RBM33: variants seen among roughly 807,000 people sequenced by gnomAD.
RBM33 encodes RNA binding motif protein 33.
RBM33 carries 28 observed loss-of-function variants against 132.6 expected under a neutral mutation model. The ratio of observed to expected loss-of-function variants is 0.21; its 90% confidence interval spans 0.16 to 0.29. The LOEUF (loss-of-function observed/expected upper bound fraction) is 0.29, where lower values mean the gene tolerates loss of function less well. Ranked by LOEUF, RBM33 falls within the 10% of genes least tolerant of loss-of-function variation. The pLI, the probability that RBM33 is intolerant of heterozygous loss-of-function variation, is 1.00. For missense variants in RBM33, 1,291 were observed against 1,518.5 expected, an observed-to-expected ratio of 0.85 and a Z score of 2.49; for synonymous variants, 634 against 593.0, an observed-to-expected ratio of 1.07 and a Z score of -1.01.
chr7:155,720,402 T>C (rs1362470988), intron 9 of RBM33, among the ~76,000 whole-genome samples: 1 of 152,226 alleles, frequency 6.6e-6, no homozygotes, highest in Admixed American at 6.5e-5. Flanking sequence ...GTAGCGGTAT[T>C]GTGTTTTTAA....
chr7:155,759,564 C>G (rs954788895), intron 14 of RBM33, among the ~76,000 whole-genome samples: 1 of 151,998 alleles, frequency 6.6e-6, no homozygotes, highest in East Asian at 1.9e-4. Flanking sequence ...ACTACAGGCG[C>G]CCGCCACCGC....
chr7:155,742,192 G>T, intron 13 of RBM33, 86 bp downstream of exon 13: 13 of 1,233,350 alleles, frequency 1.1e-5, no homozygotes, highest in East Asian at 5.3e-5. Context: ...CTCTCACTAA[G>T]TTATTCACAA....
chr7:155,692,001 T>C (rs1280965732), intron 5 of RBM33, among the ~76,000 whole-genome samples: 1 of 150,200 alleles, frequency 6.7e-6, no homozygotes, highest in East Asian at 2.0e-4. Context: ...CAGTGAGCTG[T>C]GATTGCGCCA....
intron 1 of RBM33, among the ~76,000 whole-genome samples, chr7:155,647,098 A>C (rs551620944): frequency 6.6e-6 from 1 of 152,354 alleles, no homozygotes; most frequent in South Asian, 2.1e-4. Flanking sequence ...ATTGTCTAGC[A>C]CAGTGACTTT....
At chr7:155,708,631 C>T (rs979491347) in intron 7 of RBM33, among the ~76,000 whole-genome samples, 1 of 152,194 alleles carries the variant, frequency 6.6e-6, no homozygotes, top group African/African-American at 2.4e-5. Context: ...GACGTTGTAT[C>T]TCTGGATTGT....
rs1209208551 is a variant in RBM33, at chr7:155,774,724, A to T, written c.3464+77A>T. 8.4e-7 allele frequency: 1 copy of T among 1,194,548 alleles called. No individual in the cohort carries two copies. The highest frequency in any genetic ancestry group is 1.5e-5 in the African/African-American group (1 of 66,800). 74.0% of individuals were successfully genotyped at this position (1,194,548 alleles called of 1,614,324 possible). On this transcript the variant is annotated intron_variant, in intron 17 of 17. Transcript: ENST00000401878. The surrounding 1 kb of genome is among the most constrained non-coding windows in gnomAD (Gnocchi z 4.2). ...TCCTTCCTGTGCCCTCCCATCCATC[A>T]TGGTAGCAAGCGTGTGTCCCCACCT...
intron 3 of RBM33, among the ~76,000 whole-genome samples, chr7:155,676,901 C>T (rs550186963): frequency 5.3e-5 from 8 of 152,326 alleles, no homozygotes; most frequent in Middle Eastern, 3.4e-3. Context: ...CACGAGGGCT[C>T]ACCCACCACA....
chr7:155,652,130 A>G (rs143097290), intron 1 of RBM33, among the ~76,000 whole-genome samples: 1 of 152,228 alleles, frequency 6.6e-6, no homozygotes. Context: ...AATTTTGACT[A>G]TTAGTGATTT....
At chr7:155,680,388 T>C (rs1049767511) in intron 4 of RBM33, among the ~76,000 whole-genome samples, 11 of 152,248 alleles carry the variant, frequency 7.2e-5, no homozygotes, top group African/African-American at 2.4e-4. Flanking sequence ...CACAGTTAGC[T>C]CTGCTGTACG....
rs907080574 is a variant in RBM33, at chr7:155,781,432, A to C, written c.*6391A>C. Reference sequence around the variant, plus strand: ...CGTACCAAAAAAATGTGTTTGAACTATATTGTATGTAATTTGGAAGTCGTG... The same window carrying C: ...CGTACCAAAAAAATGTGTTTGAACTCTATTGTATGTAATTTGGAAGTCGTG... On this transcript the variant is annotated 3_prime_UTR_variant, in exon 18 of 18. Transcript: ENST00000401878. 2 of 152,228 alleles carry C rather than the reference A, an allele frequency of 1.3e-5. No homozygotes were observed. Among genetic ancestry groups the C allele is most frequent in the Non-Finnish European group, 2.9e-5 (2 of 68,048 alleles). The allele number at this position is 152,228 out of a possible 1,614,324, so 9.4% of individuals were successfully genotyped here. A position where few individuals can be genotyped will look rare whatever the true frequency, so the allele number is the denominator to read the frequency against.
At chr7:155,663,817 C>G (rs999731997) in intron 1 of RBM33, among the ~76,000 whole-genome samples, 2 of 152,140 alleles carry the variant, frequency 1.3e-5, no homozygotes, top group Admixed American at 6.5e-5. Context: ...GGAGAGAGAT[C>G]TATGCTCTGC....
intron 14 of RBM33, among the ~76,000 whole-genome samples, chr7:155,753,032 A>T (rs981656784): frequency 2.6e-5 from 4 of 152,166 alleles, no homozygotes; most frequent in Admixed American, 2.0e-4. Context: ...AAGATATTTA[A>T]ATACTGTGTT....
At chr7:155,733,486 A>G (rs916119051) in intron 9 of RBM33, among the ~76,000 whole-genome samples, 1 of 152,224 alleles carries the variant, frequency 6.6e-6, no homozygotes, top group Non-Finnish European at 1.5e-5. Flanking sequence ...ATTTAATGTC[A>G]TAAGTTTTAG....
At chr7:155,728,471 A>G (rs999291566) in intron 9 of RBM33, among the ~76,000 whole-genome samples, 4 of 152,140 alleles carry the variant, frequency 2.6e-5, no homozygotes, top group African/African-American at 9.7e-5. Context: ...CTATTTAACT[A>G]AATTCCAAGG....
At chr7:155,766,405 T>G (rs1228281540) in intron 15 of RBM33, 62 bp from the exon 16 acceptor site, 52 of 1,541,666 alleles carry the variant, frequency 3.4e-5, no homozygotes, top group Non-Finnish European at 4.5e-5. Context: ...CTTTTATATC[T>G]TAGTGACTAT....
chr7:155,687,860 G>A (rs1799524301), intron 5 of RBM33, among the ~76,000 whole-genome samples: 1 of 152,192 alleles, frequency 6.6e-6, no homozygotes, highest in South Asian at 2.1e-4. Flanking sequence ...CCAGTACCAT[G>A]CTGTTTTGGT....
At chr7:155,764,409 C>G (rs1251325525) in intron 15 of RBM33, among the ~76,000 whole-genome samples, 1 of 152,206 alleles carries the variant, frequency 6.6e-6, no homozygotes, top group African/African-American at 2.4e-5. Flanking sequence ...GCTCATGGCC[C>G]CAGTTGAGAC....
In RBM33 at chr7:155,695,389, C is replaced by G. The variant is rs79759938; in HGVS notation, c.568-5384C>G. The stretch of plus-strand genomic sequence containing the variant: ...TTGTCTGTATATTCTGGGTATCATT[C>G]CATTGGCAGATAATTACATATTACA... On this transcript the variant is annotated intron_variant, in intron 5 of 17. Coordinates refer to ENST00000401878, the MANE Select transcript of RBM33 (RefSeq NM_053043.3). Among the ~76,000 whole-genome samples, 216 of 152,184 alleles carry G rather than the reference C, an allele frequency of 1.4e-3. 4 individuals carry two copies. Among genetic ancestry groups the G allele is most frequent in the African/African-American group, 5.0e-3 (206 of 41,508 alleles).
Position 155,779,794 on chromosome 7 carries a change from A to T in RBM33, c.*4753A>T, listed in dbSNP as rs1007467882. The T allele has an allele frequency of 2.0e-5, 3 of 152,196 alleles. No homozygotes were observed. The highest frequency in any genetic ancestry group is 2.0e-4 in the Admixed American group (3 of 15,286). 9.4% of individuals were successfully genotyped at this position (152,196 alleles called of 1,614,324 possible). A position where few individuals can be genotyped will look rare whatever the true frequency, so the allele number is the denominator to read the frequency against. ...TCTCTTTTCTGTGTCATGTTTTGGT[A>T]GGAAATCTTTAAGATTGGCGGACGG... On this transcript the variant is annotated 3_prime_UTR_variant, in exon 18 of 18. Transcript: ENST00000401878.
Sources: allele counts gnomAD v4.1 joint callset (sites outside exome capture counted in the v4.1 genomes callset), GRCh38; gene constraint gnomAD v4.1.1; non-coding constraint Gnocchi (gnomAD v3.1); transcripts MANE v1.5; gene names NCBI Gene and HGNC (gene_info 2026-07-23, HGNC 2026-07-21).